CNTNAP4: variants seen among roughly 807,000 people sequenced by gnomAD.
CNTNAP4 encodes the protein contactin associated protein family member 4.
CNTNAP4 carries 98 observed loss-of-function variants against 148.4 expected under a neutral mutation model. The ratio of observed to expected loss-of-function variants is 0.66; its 90% CI spans 0.56 to 0.78. The LOEUF (loss-of-function observed/expected upper bound fraction) is 0.78, where lower values mean the gene tolerates loss of function less well. Among genes scored for constraint, CNTNAP4 ranks in the 30% least tolerant of loss-of-function variants. CNTNAP4 has a pLI of 0.00. For synonymous variants in CNTNAP4, 730 were observed against 565.1 expected (o/e 1.29, Z -4.14); for missense variants, 1,935 against 1,565.6 (o/e 1.24, Z -3.98).
At position 76,365,751 on chromosome 16, in the gene CNTNAP4, C is replaced by CAA. The variant is rs35586454; in HGVS notation, c.390+10258_390+10259dup. On this transcript the variant is annotated intron_variant, in intron 3 of 23. Coordinates refer to ENST00000611870, the MANE Select transcript of CNTNAP4 (RefSeq NM_033401.5). ...TGGGGGACAGAGTGAGACTCCGTCTCAAAAAAAAAAAAAAAAAAACCTAAG... is the reference window on the plus strand; with the variant it reads ...TGGGGGACAGAGTGAGACTCCGTCTCAAAAAAAAAAAAAAAAAAAAACCTAAG... 2.6e-3 allele frequency among the ~76,000 whole-genome samples: 263 copies of CAA among 99,994 alleles called. 7 individuals carry two copies. The highest frequency in any genetic ancestry group is 8.0e-3 in the African/African-American group (197 of 24,644). The allele number at this position is 99,994 out of a possible 152,430, so 65.6% of individuals were successfully genotyped here.
intron 3 of CNTNAP4, among the ~76,000 whole-genome samples, chr16:76,396,382 C>A (rs1473802947): frequency 2.0e-5 from 3 of 152,096 alleles, no homozygotes; most frequent in Non-Finnish European, 4.4e-5. Context: ...ACAGGATGCA[C>A]CCTATGTGAG....
At position 76,455,844 on chromosome 16, in the gene CNTNAP4, G is replaced by A. The variant is rs186095532; in HGVS notation, c.1333+3075G>A. On this transcript the variant is annotated intron_variant, in intron 8 of 23. Coordinates refer to ENST00000611870, the MANE Select transcript of CNTNAP4 (RefSeq NM_033401.5). ...TTGTGCACTACAGATATGTGTTGTA[G>A]TCTTATGAGAGGGTGATGACAACTA... 1.7e-3 allele frequency among the ~76,000 whole-genome samples: 260 copies of A among 152,290 alleles called. 1 individual carries two copies. Among genetic ancestry groups the A allele is most frequent in the Middle Eastern group, 0.017 (5 of 294 alleles).
At chr16:76,310,513 T>C (rs1960984076) in intron 1 of CNTNAP4, among the ~76,000 whole-genome samples, 1 of 152,220 alleles carries the variant, frequency 6.6e-6, no homozygotes, top group Non-Finnish European at 1.5e-5. Flanking sequence ...ATGGACTATT[T>C]GGAATAGGTC....
chr16:76,499,559 A>T (rs1057150972), intron 15 of CNTNAP4, among the ~76,000 whole-genome samples: 10 of 151,208 alleles, frequency 6.6e-5, no homozygotes, highest in African/African-American at 7.3e-5. Flanking sequence ...TTATTTATTT[A>T]TTTATTTATT....
At chr16:76,380,543 T>C (rs890090076) in intron 3 of CNTNAP4, among the ~76,000 whole-genome samples, 2 of 152,220 alleles carry the variant, frequency 1.3e-5, no homozygotes, top group African/African-American at 4.8e-5. Flanking sequence ...AAAATGCTTG[T>C]GATTACTTGA....
At chr16:76,331,140 G>A (rs911382081) in intron 2 of CNTNAP4, among the ~76,000 whole-genome samples, 2 of 151,282 alleles carry the variant, frequency 1.3e-5, no homozygotes, top group African/African-American at 2.4e-5. Flanking sequence ...TTTTTTTGTG[G>A]TCTACCATTT....
At chr16:76,469,122 G>A (rs547628041) in intron 10 of CNTNAP4, among the ~76,000 whole-genome samples, 80 of 152,190 alleles carry the variant, frequency 5.3e-4, no homozygotes, top group African/African-American at 1.8e-3. Flanking sequence ...ATTATGTCTA[G>A]AAAACAGTAA....
intron 3 of CNTNAP4, among the ~76,000 whole-genome samples, chr16:76,387,156 C>A (rs1055611807): frequency 6.6e-6 from 1 of 152,090 alleles, no homozygotes; most frequent in East Asian, 1.9e-4. Context: ...TTGTTTTTAC[C>A]CACAAATTTT....
chr16:76,501,210 A>G (rs1186499120), intron 15 of CNTNAP4, among the ~76,000 whole-genome samples: 7 of 152,236 alleles, frequency 4.6e-5, no homozygotes, highest in Non-Finnish European at 7.3e-5. Context: ...CATGGGAAGA[A>G]AAATTATGTG....
rs77918266 is a variant in CNTNAP4 at position 76,415,557 on chromosome 16, T to C, written c.391-11895T>C. Among the ~76,000 whole-genome samples the C allele has an allele frequency of 7.7e-3, 1,167 of 151,222 alleles. 10 individuals are homozygous for C. The highest frequency in any genetic ancestry group is 0.013 in the Non-Finnish European group (887 of 67,366). On this transcript the variant is annotated intron_variant, in intron 3 of 23. Transcript: ENST00000611870. ...ACTATTTATTACCTTTGAAATCATT[T>C]TTATTGAGAAAGTATTTAGTTGCCA...
chr16:76,403,125 C>T (rs2078477015), intron 3 of CNTNAP4, among the ~76,000 whole-genome samples: 1 of 150,414 alleles, frequency 6.6e-6, no homozygotes, highest in Admixed American at 6.6e-5. Flanking sequence ...CGAAGTCTCG[C>T]TCTGTCTCCG....
intron 3 of CNTNAP4, among the ~76,000 whole-genome samples, chr16:76,427,192 G>A (rs4887857): frequency 0.66 from 100,043 of 152,032 alleles, 33,330 homozygotes; most frequent in East Asian, 0.8. Flanking sequence ...AGCAATTTTT[G>A]TTACAGGTAT....
At chr16:76,399,598 G>T (rs188060974) in intron 3 of CNTNAP4, among the ~76,000 whole-genome samples, 1 of 152,074 alleles carries the variant, frequency 6.6e-6, no homozygotes, top group Non-Finnish European at 1.5e-5. Flanking sequence ...GGGAATTTTG[G>T]TAAAGGAAAG....
chr16:76,551,327 G>A (rs940532305), intron 21 of CNTNAP4, among the ~76,000 whole-genome samples: 5 of 151,682 alleles, frequency 3.3e-5, no homozygotes, highest in African/African-American at 9.7e-5. Context: ...GAGCCTGGGA[G>A]GCAAAAGCTG....
chr16:76,450,760 G>A (rs961654595), intron 7 of CNTNAP4, among the ~76,000 whole-genome samples: 3 of 152,084 alleles, frequency 2.0e-5, no homozygotes, highest in Non-Finnish European at 2.9e-5. Flanking sequence ...CTGTGGAAAC[G>A]GGGACAATTT....
intron 1 of CNTNAP4, among the ~76,000 whole-genome samples, chr16:76,279,785 G>T (rs1958618489): frequency 1.3e-5 from 2 of 152,146 alleles, no homozygotes; most frequent in African/African-American, 4.8e-5. Context: ...TTGACAATAT[G>T]ATTTGCAGCA....
At chr16:76,500,799 C>T (rs2082608215) in intron 15 of CNTNAP4, among the ~76,000 whole-genome samples, 1 of 150,678 alleles carries the variant, frequency 6.6e-6, no homozygotes, top group Non-Finnish European at 1.5e-5. Context: ...TTTCTTTGAT[C>T]AGGGAATGAA....
At chr16:76,342,465 C>CTTTTTTTTTTTTTT (rs397854943) in intron 2 of CNTNAP4, among the ~76,000 whole-genome samples, 3 of 91,488 alleles carry the variant, frequency 3.3e-5, no homozygotes, top group Non-Finnish European at 6.1e-5. Context: ...TTGCTAATTT[C>CTTTTTTTTTTTTTT]TTTTTTTTTT....
chr16:76,361,315 C>G (rs2013413699), intron 3 of CNTNAP4, among the ~76,000 whole-genome samples: 1 of 152,054 alleles, frequency 6.6e-6, no homozygotes, highest in African/African-American at 2.4e-5. Context: ...TTTTCCTATC[C>G]CCTGGCAACC....
Sources: gnomAD v4.1 joint callset for allele counts (sites outside exome capture counted in the v4.1 genomes callset) on GRCh38, gnomAD v4.1.1 for gene constraint, MANE v1.5 for transcripts, NCBI Gene and HGNC (gene_info 2026-07-23, HGNC 2026-07-21) for gene names.